The following STK39 variants were observed in gnomAD, a reference collection of about 807,000 sequenced individuals.
STK39 encodes the protein STE20/SPS1-related proline-alanine-rich protein kinase.
A neutral mutation model predicts 77.8 loss-of-function variants in STK39; 20 were observed. The ratio of observed to expected loss-of-function variants is 0.26; its 90% confidence interval spans 0.18 to 0.37. The LOEUF is 0.37. Among genes scored for constraint, STK39 ranks in the 10% least tolerant of loss-of-function variants. STK39 has a pLI of 1.00. For synonymous variants in STK39, 246 were observed against 234.1 expected, an observed-to-expected ratio of 1.05 and a Z score of -0.47; for missense variants, 479 against 656.5, an observed-to-expected ratio of 0.73 and a Z score of 2.95.
intron 14 of STK39, among the ~76,000 whole-genome samples, chr2:168,021,692 T>A (rs2044680): frequency 0.64 from 97,173 of 152,004 alleles, 32,338 homozygotes; most frequent in Non-Finnish European, 0.74. Context: ...ATCCTTTTAA[T>A]CTTAAAATAA....
At chr2:167,992,277 T>C (rs150340075) in intron 16 of STK39, among the ~76,000 whole-genome samples, 1 of 152,262 alleles carries the variant, frequency 6.6e-6, no homozygotes, top group African/African-American at 2.4e-5. Flanking sequence ...TCAATTGTTG[T>C]CAGATAATCC....
chr2:167,957,406 G>A (rs1315134376), intron 17 of STK39, among the ~76,000 whole-genome samples: 4 of 152,196 alleles, frequency 2.6e-5, no homozygotes, highest in African/African-American at 4.8e-5. Context: ...CAGGCATAGA[G>A]GGCATTTTGG....
At chr2:168,237,137 G>A (rs1178558914) in intron 1 of STK39, among the ~76,000 whole-genome samples, 1 of 152,148 alleles carries the variant, frequency 6.6e-6, no homozygotes, top group African/African-American at 2.4e-5. Context: ...GTGGTTTGTA[G>A]TTCTCCTTGA....
chr2:168,216,968 A>G (rs1380018856), intron 1 of STK39, among the ~76,000 whole-genome samples: 1 of 152,194 alleles, frequency 6.6e-6, no homozygotes, highest in Non-Finnish European at 1.5e-5. Flanking sequence ...CGCTGGTTGG[A>G]ATATGGTGAG....
chr2:167,993,479 G>A (rs919150180), intron 16 of STK39, among the ~76,000 whole-genome samples: 3 of 152,200 alleles, frequency 2.0e-5, no homozygotes, highest in African/African-American at 7.2e-5. Context: ...TTGAGGCCAG[G>A]AGTTCAAGGA....
At chr2:168,112,400 GT>G (rs1203848652) in intron 10 of STK39, among the ~76,000 whole-genome samples, 1 of 152,048 alleles carries the variant, frequency 6.6e-6, no homozygotes, top group Non-Finnish European at 1.5e-5. Context: ...CATGGGGGTG[GT>G]TTCCCCCATG....
chr2:168,075,619 C>G (rs527962614), intron 10 of STK39, among the ~76,000 whole-genome samples: 17 of 151,990 alleles, frequency 1.1e-4, no homozygotes, highest in Admixed American at 7.9e-4. Context: ...CAAGCAACAT[C>G]CTGCTGACTG....
At chr2:168,203,182 G>A (rs1269783729) in intron 1 of STK39, among the ~76,000 whole-genome samples, 1 of 152,042 alleles carries the variant, frequency 6.6e-6, no homozygotes, top group Non-Finnish European at 1.5e-5. Context: ...AGAGGCTCAG[G>A]GAAGAGAGGA....
intron 1 of STK39, among the ~76,000 whole-genome samples, chr2:168,203,928 G>C (rs1380201879): frequency 6.6e-6 from 1 of 152,186 alleles, no homozygotes. Context: ...AAATGGTGTT[G>C]ACGTGATACT....
chr2:168,016,063 G>A (rs1245158269), intron 15 of STK39, among the ~76,000 whole-genome samples: 1 of 152,068 alleles, frequency 6.6e-6, no homozygotes, highest in Admixed American at 6.5e-5. Flanking sequence ...AAGTAGCTGG[G>A]ACTACAGCTG....
At chr2:168,108,845 T>C (rs1036153251) in intron 10 of STK39, among the ~76,000 whole-genome samples, 2 of 152,218 alleles carry the variant, frequency 1.3e-5, no homozygotes, top group Non-Finnish European at 2.9e-5. Flanking sequence ...CCAAGGGAAG[T>C]ACAAACCATC....
intron 5 of STK39, among the ~76,000 whole-genome samples, chr2:168,143,251 T>C (rs938093806): frequency 7.2e-5 from 11 of 152,260 alleles, no homozygotes; most frequent in African/African-American, 2.7e-4. Flanking sequence ...TAAGACCTTC[T>C]GAATCCATCC....
intron 14 of STK39, among the ~76,000 whole-genome samples, chr2:168,047,275 C>T (rs1020023475): frequency 6.6e-6 from 1 of 152,196 alleles, no homozygotes; most frequent in African/African-American, 2.4e-5. Flanking sequence ...TGACTAGGAT[C>T]CTGTGTGATT....
chr2:168,027,913 C>T (rs1192145623), intron 14 of STK39, among the ~76,000 whole-genome samples: 3 of 152,212 alleles, frequency 2.0e-5, no homozygotes, highest in Admixed American at 1.3e-4. Context: ...ATCTCTAATA[C>T]TCAGTCCAGG....
At chr2:168,099,806 T>C (rs532203319) in intron 10 of STK39, among the ~76,000 whole-genome samples, 1 of 144,176 alleles carries the variant, frequency 6.9e-6, no homozygotes, top group South Asian at 2.4e-4. Context: ...TTTAGCAGCA[T>C]AACAAAAACA....
In STK39 at chr2:167,985,478, G is replaced by A. The variant is rs542016238; in HGVS notation, c.1499-20752C>T. 2.0e-5 allele frequency among the ~76,000 whole-genome samples: 3 copies of A among 152,266 alleles called. No individual in the cohort carries two copies. The East Asian group carries it at 5.8e-4, about 29-fold the overall frequency. Reference sequence around the variant, plus strand: ...CCTTTCTTCACCAAGCAGGATATCTGCACATCATCTGAGATCAAGAGGAAG... The same window carrying A: ...CCTTTCTTCACCAAGCAGGATATCTACACATCATCTGAGATCAAGAGGAAG... On this transcript the variant is annotated intron_variant, in intron 16 of 17. Transcript: ENST00000355999.
At chr2:168,129,464 CT>C in intron 10 of STK39, 76 bp downstream of exon 10, 1 of 1,537,072 alleles carries the variant, frequency 6.5e-7, no homozygotes, top group Non-Finnish European at 8.9e-7. Context: ...ATGTGGAAAT[CT>C]TTTTCCAATT....
chr2:167,999,648 G>C (rs760449599), intron 16 of STK39, among the ~76,000 whole-genome samples: 100 of 152,024 alleles, frequency 6.6e-4, no homozygotes, highest in Non-Finnish European at 1.1e-3. Flanking sequence ...ATTTTTAGCA[G>C]AGATGGGGTT....
intron 16 of STK39, among the ~76,000 whole-genome samples, chr2:167,984,272 T>A (rs1683502097): frequency 6.6e-6 from 1 of 152,192 alleles, no homozygotes; most frequent in Admixed American, 6.5e-5. Flanking sequence ...CATATTCTCA[T>A]GAGTGCTGTT....
Sources: gnomAD v4.1 joint callset for allele counts (sites outside exome capture counted in the v4.1 genomes callset) on GRCh38, gnomAD v4.1.1 for gene constraint, MANE v1.5 for transcripts, NCBI Gene and HGNC (gene_info 2026-07-23, HGNC 2026-07-21) for gene names.